Variants in ZNF737 observed in about 807,000 individuals in gnomAD.
The protein encoded by ZNF737 is zinc finger protein 737, also known as zinc finger protein 102 (Y3).
Under a neutral mutation model 11.7 loss-of-function variants are expected in ZNF737, and 13 were observed. The observed-to-expected ratio is 1.11, with a 90% CI of 0.73 to 1.77. The LOEUF is 1.77. Among genes scored for constraint, ZNF737 ranks in the 40% most tolerant of loss-of-function variants. ZNF737 has a pLI of 0.00. For synonymous variants in ZNF737, 217 were observed against 216.2 expected, an observed-to-expected ratio of 1.00 and a Z score of -0.03; for missense variants, 636 against 638.0, an observed-to-expected ratio of 1.00 and a Z score of 0.03.
rs1185098661 is a variant in ZNF737 at position 20,542,571 on chromosome 19, G to A, written c.*2021C>T. ...ATGCACTGCATTTTATTACATAAAAGTACAAGTAGTAAAGTAATATACTCA... is the reference window on the plus strand; with the variant it reads ...ATGCACTGCATTTTATTACATAAAAATACAAGTAGTAAAGTAATATACTCA... On this transcript the variant is annotated 3_prime_UTR_variant, in exon 4 of 4. Coordinates refer to ENST00000427401, the MANE Select transcript of ZNF737 (RefSeq NM_001159293.2). 1.0e-6 allele frequency: 1 copy of A among 980,740 alleles called. No homozygotes were observed. The highest frequency in any genetic ancestry group is 1.2e-6 in the Non-Finnish European group (1 of 826,182). The allele number at this position is 980,740 out of a possible 1,614,324, so 60.8% of individuals were successfully genotyped here.
intron 1 of ZNF737, among the ~76,000 whole-genome samples, chr19:20,560,197 A>T (rs1555762094): frequency 1.7e-5 from 2 of 119,866 alleles, no homozygotes; most frequent in Non-Finnish European, 1.8e-5. Context: ...AAAAAAAAAA[A>T]TTGGCCAGGT....
intron 1 of ZNF737, among the ~76,000 whole-genome samples, chr19:20,562,673 T>C (rs1172087864): frequency 6.6e-6 from 1 of 152,134 alleles, no homozygotes; most frequent in Non-Finnish European, 1.5e-5. Flanking sequence ...CAGGCTGGTC[T>C]TGAACACCTG....
At position 20,541,856 on chromosome 19, in the gene ZNF737, G is replaced by T; in HGVS notation, c.*2736C>A. The stretch of plus-strand genomic sequence containing the variant: ...ACTATTGGTAATACAAAAGATAAAT[G>T]CTAGAGGTGATGGATACCTTATTTA... On this transcript the variant is annotated 3_prime_UTR_variant, in exon 4 of 4. Transcript: ENST00000427401. The T allele has an allele frequency of 4.9e-6, 1 of 203,290 alleles. No individual in the cohort carries two copies. The highest frequency in any genetic ancestry group is 8.7e-6 in the Non-Finnish European group (1 of 114,840). 12.6% of individuals were successfully genotyped at this position (203,290 alleles called of 1,614,324 possible).
intron 1 of ZNF737, among the ~76,000 whole-genome samples, chr19:20,555,205 T>C (rs1968843856): frequency 7.0e-6 from 1 of 143,358 alleles, no homozygotes; most frequent in South Asian, 2.2e-4. Flanking sequence ...TTTTTTGATA[T>C]GGAAAATCAC....
At chr19:20,551,963 T>G (rs565889685) in intron 3 of ZNF737, among the ~76,000 whole-genome samples, 3 of 74,778 alleles carry the variant, frequency 4.0e-5, no homozygotes, top group Admixed American at 1.2e-4. Flanking sequence ...AAAGCAATCT[T>G]GAAAAAAAAA....
downstream of ZNF737, among the ~76,000 whole-genome samples, chr19:20,534,477 CT>C (rs1415901782): frequency 1.3e-5 from 2 of 149,448 alleles, no homozygotes; most frequent in African/African-American, 5.0e-5. Flanking sequence ...ATCTATCTAT[CT>C]ATCTATCTAT....
At position 20,541,659 on chromosome 19, in the gene ZNF737, C is replaced by T. The variant is rs1169497503; in HGVS notation, c.*2933G>A. On this transcript the variant is annotated 3_prime_UTR_variant, in exon 4 of 4. Coordinates refer to ENST00000427401, the MANE Select transcript of ZNF737 (RefSeq NM_001159293.2). ...CAGGCTGGCCTTGAACTCCTAACCT[C>T]AAGCATTCCACCTGTCTCGGCCTCC... is the stretch of plus-strand genomic sequence containing the variant. 6.6e-6 allele frequency among the ~76,000 whole-genome samples: 1 copy of T among 152,156 alleles called. No homozygotes were observed. Among genetic ancestry groups the T allele is most frequent in the Non-Finnish European group, 1.5e-5 (1 of 68,026 alleles).
At chr19:20,534,473 CT>C (rs1374445980), downstream of ZNF737, among the ~76,000 whole-genome samples, 11 of 149,248 alleles carry the variant, frequency 7.4e-5, 2 homozygotes, top group Non-Finnish European at 1.3e-4. Context: ...ATCTATCTAT[CT>C]ATCTATCTAT....
downstream of ZNF737, among the ~76,000 whole-genome samples, chr19:20,536,352 C>T (rs1352736431): frequency 6.6e-6 from 1 of 152,136 alleles, no homozygotes; most frequent in African/African-American, 2.4e-5. Flanking sequence ...AATAGTCTCA[C>T]CTATAGTTGT....
chr19:20,543,527 T>C lies in ZNF737; in HGVS notation c.*1065A>G. 1 of 985,258 alleles carries C rather than the reference T, an allele frequency of 1.0e-6. No homozygotes were observed. Among genetic ancestry groups the C allele is most frequent in the Non-Finnish European group, 1.2e-6 (1 of 829,750 alleles). 61.0% of individuals were successfully genotyped at this position (985,258 alleles called of 1,614,324 possible). ...GTAGGAATTAATAGGTTTTCCATAT[T>C]CCTTCTATTTGTACAATTTTTCTCA... On this transcript the variant is annotated 3_prime_UTR_variant, in exon 4 of 4. Coordinates refer to ENST00000427401, the MANE Select transcript of ZNF737 (RefSeq NM_001159293.2).
chr19:20,542,026 TAA>T lies in ZNF737; in HGVS notation c.*2564_*2565del, dbSNP rs1173641960. ...AAATTTAATCTATGGGAACAATATT[TAA>T]CTCATTTGCAGTTTAAAGCCACTGA... On this transcript the variant is annotated 3_prime_UTR_variant, in exon 4 of 4. Transcript: ENST00000427401. 1 of 984,498 alleles carries T rather than the reference TAA, an allele frequency of 1.0e-6. No individual in the cohort carries two copies. The highest frequency in any genetic ancestry group is 1.7e-5 in the African/African-American group (1 of 57,210). 61.0% of individuals were successfully genotyped at this position (984,498 alleles called of 1,614,324 possible).
At chr19:20,553,031 A>G (rs1555759091) in intron 2 of ZNF737, among the ~76,000 whole-genome samples, 1 of 151,826 alleles carries the variant, frequency 6.6e-6, no homozygotes, top group East Asian at 1.9e-4. Flanking sequence ...AAAAAAAAAA[A>G]AAGAAAAAGA....
chr19:20,553,420 G>A (rs952045706), intron 2 of ZNF737, among the ~76,000 whole-genome samples: 28 of 151,836 alleles, frequency 1.8e-4, no homozygotes, highest in Non-Finnish European at 3.4e-4. Context: ...CACCATGCCC[G>A]GCTAATTTCT....
chr19:20,540,156 T>A lies in ZNF737; in HGVS notation c.*4436A>T, dbSNP rs1968143989. 4.1e-6 allele frequency: 4 copies of A among 985,280 alleles called. No individual in the cohort carries two copies. The highest frequency in any genetic ancestry group is 9.4e-5 in the South Asian group (2 of 21,276). The allele number at this position is 985,280 out of a possible 1,614,324, so 61.0% of individuals were successfully genotyped here. ...AGATACAAACATTTTTCCCGCCATGTGGCCACCATAAGCAGCTTACAACAT... is the reference window on the plus strand; with the variant it reads ...AGATACAAACATTTTTCCCGCCATGAGGCCACCATAAGCAGCTTACAACAT... On this transcript the variant is annotated 3_prime_UTR_variant, in exon 4 of 4. Coordinates refer to ENST00000427401, the MANE Select transcript of ZNF737 (RefSeq NM_001159293.2).
Position 20,539,133 on chromosome 19 carries a change from TACA to T in ZNF737, c.*5456_*5458del. On this transcript the variant is annotated 3_prime_UTR_variant, in exon 4 of 4. Coordinates refer to ENST00000427401, the MANE Select transcript of ZNF737 (RefSeq NM_001159293.2). ...TAACATGATGAAATCCCATCTCTAC[TACA>T]AAAATTATCCGGGCATAATGGCGGG... The T allele has an allele frequency of 3.4e-5, 21 of 613,356 alleles. No individual in the cohort carries two copies. Among genetic ancestry groups the T allele is most frequent in the African/African-American group, 4.0e-5 (2 of 49,762 alleles). The allele number at this position is 613,356 out of a possible 1,614,324, so 38.0% of individuals were successfully genotyped here.
At chr19:20,549,355 G>T (rs2562642) in intron 3 of ZNF737, among the ~76,000 whole-genome samples, 16 of 151,870 alleles carry the variant, frequency 1.1e-4, no homozygotes, top group Non-Finnish European at 2.1e-4. Context: ...TGAGGCCAGA[G>T]GCAGTAGGTC....
chr19:20,540,713 C>T lies in ZNF737; in HGVS notation c.*3879G>A, dbSNP rs564415042. The T allele has an allele frequency of 5.7e-5, 41 of 717,178 alleles. No individual in the cohort carries two copies. In the South Asian group the frequency reaches 2.4e-3, roughly 42 times the overall value. The allele number at this position is 717,178 out of a possible 1,614,324, so 44.4% of individuals were successfully genotyped here. ...GGTGGAGGTTGCCATGAGCTGAGAT[C>T]ACGCCACTGCTCTCCAGCCTGGAAG... On this transcript the variant is annotated 3_prime_UTR_variant, in exon 4 of 4. Transcript: ENST00000427401.
intron 1 of ZNF737, among the ~76,000 whole-genome samples, chr19:20,564,662 A>T (rs563613953): frequency 0.012 from 1,855 of 152,072 alleles, 47 homozygotes; most frequent in African/African-American, 0.042. Flanking sequence ...AAAAAAAAAA[A>T]ATAAAAATAA....
In ZNF737 at chr19:20,545,636, A is replaced by C; in HGVS notation, c.567T>G (p.Thr189=). Residue 189 remains threonine, a synonymous_variant, in exon 4 of 4, where the codon ACT becomes ACG. Transcript: ENST00000427401. ...GKAFNQSSTL[T]THKKIHTGEK... ...CCCCAGTATGAATTTTCTTATGTGTAGTAAGGGTTGAAGACTGGTTAAAAG... is the reference window on the plus strand; with the variant it reads ...CCCCAGTATGAATTTTCTTATGTGTCGTAAGGGTTGAAGACTGGTTAAAAG... 1.2e-6 allele frequency: 2 copies of C among 1,614,046 alleles called. No individual in the cohort carries two copies. Among genetic ancestry groups the C allele is most frequent in the Non-Finnish European group, 1.7e-6 (2 of 1,179,966 alleles).
Sources: gnomAD v4.1 joint callset for allele counts (sites outside exome capture counted in the v4.1 genomes callset) on GRCh38, gnomAD v4.1.1 for gene constraint, MANE v1.5 for transcripts, NCBI Gene and HGNC (gene_info 2026-07-23, HGNC 2026-07-21) for gene names.